The following NUP93 variants were observed in gnomAD, a reference collection of about 807,000 sequenced individuals.
NUP93 encodes nucleoporin 93.
A neutral mutation model predicts 107.8 loss-of-function variants in NUP93; 55 were observed. The ratio of observed to expected loss-of-function variants is 0.51; its 90% CI spans 0.41 to 0.64. The LOEUF (loss-of-function observed/expected upper bound fraction) is 0.64. Ranked by LOEUF, NUP93 falls within the 30% of genes least tolerant of loss-of-function variation. The pLI, the probability that NUP93 is intolerant of heterozygous loss-of-function variation, is 0.00. For missense variants in NUP93, 937 were observed against 1,044.7 expected, an observed-to-expected ratio of 0.90 and a Z score of 1.42; for synonymous variants, 390 against 397.5, an observed-to-expected ratio of 0.98 and a Z score of 0.22.
chr16:56,768,655 A>C (rs1445784645), intron 3 of NUP93, among the ~76,000 whole-genome samples: 4 of 151,570 alleles, frequency 2.6e-5, no homozygotes, highest in Non-Finnish European at 4.4e-5. Context: ...TCACAAGGTC[A>C]GGAGATCGAG....
chr16:56,734,282 T>C (rs1423426976), intron 1 of NUP93, among the ~76,000 whole-genome samples: 1 of 152,128 alleles, frequency 6.6e-6, no homozygotes, highest in Non-Finnish European at 1.5e-5. Flanking sequence ...GGGGGTTAGC[T>C]AGGTAGGTAT....
At chr16:56,834,326 C>T in intron 14 of NUP93, 44 bp from the exon 15 acceptor site, 2 of 1,613,804 alleles carry the variant, frequency 1.2e-6, no homozygotes, top group Non-Finnish European at 1.7e-6. Flanking sequence ...CTATTAGAGA[C>T]CTCATGTCCA....
At chr16:56,783,730 G>A in intron 3 of NUP93, 1 of 985,346 alleles carries the variant, frequency 1.0e-6, no homozygotes, top group Non-Finnish European at 1.2e-6. Context: ...GCAGCTGCAA[G>A]GCCATTTCAT....
chr16:56,790,477 A>G (rs1962735689), intron 3 of NUP93, among the ~76,000 whole-genome samples: 2 of 152,158 alleles, frequency 1.3e-5, no homozygotes, highest in Admixed American at 1.3e-4. Context: ...GCGAGTCCAC[A>G]CCGTCTGATA....
chr16:56,839,319 C>T, intron 19 of NUP93: 2 of 273,596 alleles, frequency 7.3e-6, no homozygotes, highest in East Asian at 8.4e-5. Context: ...AATTTGCAAT[C>T]TCAGAATTTT....
chr16:56,834,516 T>C, intron 15 of NUP93, 74 bp downstream of exon 15: 1 of 1,471,148 alleles, frequency 6.8e-7, no homozygotes, highest in South Asian at 1.2e-5. Flanking sequence ...GTATTGCGTG[T>C]TTACTTCAAT....
rs1188027635 is a variant in NUP93 at position 56,827,044 on chromosome 16, C to CAAAAAAAAAAAAAAAAA, written c.795-1924_795-1908dup. Among the ~76,000 whole-genome samples, 90 of 53,584 alleles carry CAAAAAAAAAAAAAAAAA rather than the reference C, an allele frequency of 1.7e-3. 7 individuals are homozygous for CAAAAAAAAAAAAAAAAA. Among genetic ancestry groups the CAAAAAAAAAAAAAAAAA allele is most frequent in the African/African-American group, 4.8e-3 (69 of 14,304 alleles). The allele number at this position is 53,584 out of a possible 152,430, so 35.2% of individuals were successfully genotyped here. ...CTGGGGATGGAATGAGACTCCGTCT[C>CAAAAAAAAAAAAAAAAA]AAAAAAAAAAAAAAAAAAAAAAAAA... On this transcript the variant is annotated intron_variant, in intron 8 of 21. Coordinates refer to ENST00000308159, the MANE Select transcript of NUP93 (RefSeq NM_014669.5).
rs549729688 is a variant in NUP93, at chr16:56,832,017, G to A, written c.1251+10G>A. 1 of 1,613,924 alleles carries A rather than the reference G, an allele frequency of 6.2e-7. No individual in the cohort carries two copies. The highest frequency in any genetic ancestry group is 8.5e-7 in the Non-Finnish European group (1 of 1,179,900). ...TTACCTGTGGCTGAAGGTAGGCACT[G>A]TTTCCCCTGCCCACATAGGGCTTTA... On this transcript the variant is annotated intron_variant, in intron 11 of 21. Transcript: ENST00000308159.
At chr16:56,805,753 C>T (rs1963124266) in intron 5 of NUP93, 121 bp downstream of exon 5, 2 of 1,130,276 alleles carry the variant, frequency 1.8e-6, no homozygotes, top group Admixed American at 2.2e-5. Context: ...ACACTTTCTT[C>T]ACTTAGCTTT....
intron 3 of NUP93, among the ~76,000 whole-genome samples, chr16:56,793,304 C>G (rs1364434543): frequency 6.6e-6 from 1 of 152,032 alleles, no homozygotes; most frequent in East Asian, 1.9e-4. Flanking sequence ...ATTGAGCTGA[C>G]CCACAGCAGA....
At chr16:56,796,014 G>C (rs1331509344) in intron 3 of NUP93, among the ~76,000 whole-genome samples, 1 of 152,178 alleles carries the variant, frequency 6.6e-6, no homozygotes, top group Non-Finnish European at 1.5e-5. Context: ...CCAGTGCACT[G>C]CCCAGGTTTT....
In NUP93 at chr16:56,828,924, T is replaced by G. The variant is rs1210000520; in HGVS notation, c.795-53T>G. The G allele has an allele frequency of 1.9e-6, 3 of 1,573,954 alleles. No homozygotes were observed. In the Admixed American group the frequency reaches 5.1e-5, roughly 27 times the overall value. ...AATGTCATGGATATGGGCATAGAGATGTGTAATAAATGTTTTCAGTCTTCC... is the reference window on the plus strand; with the variant it reads ...AATGTCATGGATATGGGCATAGAGAGGTGTAATAAATGTTTTCAGTCTTCC... On this transcript the variant is annotated intron_variant, in intron 8 of 21. Transcript: ENST00000308159.
At chr16:56,834,282 C>G (rs760349553) in intron 14 of NUP93, 28 bp downstream of exon 14, 4 of 1,613,432 alleles carry the variant, frequency 2.5e-6, no homozygotes, top group Non-Finnish European at 3.4e-6. Flanking sequence ...CCATTTACTT[C>G]AGCTAGTTTC....
At chr16:56,841,604 G>C (rs911315680) in intron 20 of NUP93, 101 bp from the exon 21 acceptor site, 18 of 1,434,462 alleles carry the variant, frequency 1.3e-5, no homozygotes, top group Non-Finnish European at 1.7e-5. Context: ...GGTGAGGAGT[G>C]GTGCAACCAG....
At chr16:56,738,976 C>A (rs1412382952) in intron 1 of NUP93, among the ~76,000 whole-genome samples, 1 of 134,616 alleles carries the variant, frequency 7.4e-6, no homozygotes, top group African/African-American at 2.9e-5. Flanking sequence ...CGCCCTTAAT[C>A]CATTTAATCC....
At chr16:56,770,993 C>G (rs763756644) in intron 3 of NUP93, among the ~76,000 whole-genome samples, 1 of 152,076 alleles carries the variant, frequency 6.6e-6, no homozygotes, top group Admixed American at 6.5e-5. Flanking sequence ...TTCCTTTATT[C>G]TGTAACGGAA....
At chr16:56,778,210 G>T (rs1333852625) in intron 3 of NUP93, among the ~76,000 whole-genome samples, 1 of 152,186 alleles carries the variant, frequency 6.6e-6, no homozygotes, top group African/African-American at 2.4e-5. Context: ...AGACTCCCTG[G>T]AGCAGATGGG....
At chr16:56,804,675 G>A (rs7189328) in intron 4 of NUP93, among the ~76,000 whole-genome samples, 42,732 of 151,856 alleles carry the variant, frequency 0.28, 6,149 homozygotes, top group Admixed American at 0.32. Context: ...TTGGGAGGCC[G>A]AGGTGGGCAG....
chr16:56,770,489 A>C (rs2144502746), intron 3 of NUP93, among the ~76,000 whole-genome samples: 1 of 152,308 alleles, frequency 6.6e-6, no homozygotes, highest in East Asian at 1.9e-4. Flanking sequence ...ATGAGAACCG[A>C]ATGGCTTTAA....
Sources: gnomAD v4.1 joint callset for allele counts (sites outside exome capture counted in the v4.1 genomes callset) on GRCh38, gnomAD v4.1.1 for gene constraint, MANE v1.5 for transcripts, NCBI Gene and HGNC (gene_info 2026-07-23, HGNC 2026-07-21) for gene names.